PCDH15: variants seen among roughly 807,000 people sequenced by gnomAD.
PCDH15 encodes protocadherin-15.
Under a neutral mutation model 178.5 loss-of-function variants are expected in PCDH15, and 129 were observed. The observed-to-expected ratio is 0.72, with a 90% CI of 0.63 to 0.84. The LOEUF is 0.84. Among genes scored for constraint, PCDH15 ranks in the 40% least tolerant of loss-of-function variants. PCDH15 has a pLI of 0.00. For missense variants in PCDH15, 2,230 were observed against 2,099.9 expected (o/e 1.06, Z -1.21); for synonymous variants, 800 against 732.0 (o/e 1.09, Z -1.50).
intron 2 of PCDH15, among the ~76,000 whole-genome samples, chr10:55,570,552 G>A (rs1283951500): frequency 6.6e-6 from 1 of 151,866 alleles, no homozygotes; most frequent in Non-Finnish European, 1.5e-5. Context: ...TACAGTGTCA[G>A]TCAATGAGAA....
At chr10:55,514,267 T>G (rs1840956109) in intron 2 of PCDH15, among the ~76,000 whole-genome samples, 1 of 152,148 alleles carries the variant, frequency 6.6e-6, no homozygotes, top group Admixed American at 6.6e-5. Flanking sequence ...AGCGTGCATT[T>G]TTGGAAACAA....
intron 13 of PCDH15, among the ~76,000 whole-genome samples, chr10:54,162,805 C>T (rs1272381610): frequency 6.6e-6 from 1 of 152,050 alleles, no homozygotes; most frequent in Non-Finnish European, 1.5e-5. Context: ...GAGTTAAATT[C>T]TAACTTTGAC....
At chr10:55,274,511 C>T (rs1002516454) in intron 1 of PCDH15, among the ~76,000 whole-genome samples, 1 of 152,034 alleles carries the variant, frequency 6.6e-6, no homozygotes. Context: ...TCTGTTATTG[C>T]CTGATGACTC....
At chr10:55,571,189 C>T (rs1346158635) in intron 2 of PCDH15, among the ~76,000 whole-genome samples, 1 of 152,014 alleles carries the variant, frequency 6.6e-6, no homozygotes, top group Non-Finnish European at 1.5e-5. Flanking sequence ...CACTCTCTTG[C>T]TCTCTCTTTT....
intron 3 of PCDH15, among the ~76,000 whole-genome samples, chr10:54,511,701 A>AGTCT (rs1259439599): frequency 1.3e-5 from 2 of 152,178 alleles, no homozygotes; most frequent in African/African-American, 4.8e-5. Flanking sequence ...ACACATATCT[A>AGTCT]GTCTAACTTT....
intron 18 of PCDH15, among the ~76,000 whole-genome samples, chr10:54,035,767 T>G (rs10825200): frequency 0.6 from 91,178 of 151,686 alleles, 29,997 homozygotes; most frequent in Middle Eastern, 0.76. Context: ...TGATTAAGCT[T>G]AGTGAGAAAG....
chr10:54,582,805 C>T (rs1185663157), intron 2 of PCDH15, among the ~76,000 whole-genome samples: 1 of 151,942 alleles, frequency 6.6e-6, no homozygotes, highest in Non-Finnish European at 1.5e-5. Flanking sequence ...GCAGGAGGAT[C>T]ACATGAGCCC....
At chr10:53,826,242 T>C (rs1352398384) in intron 32 of PCDH15, among the ~76,000 whole-genome samples, 4 of 151,970 alleles carry the variant, frequency 2.6e-5, no homozygotes, top group Admixed American at 2.0e-4. Context: ...AAATAGAATG[T>C]CATGCTTTAA....
At chr10:54,957,085 A>G (rs1838509567) in intron 2 of PCDH15, among the ~76,000 whole-genome samples, 1 of 151,718 alleles carries the variant, frequency 6.6e-6, no homozygotes, top group African/African-American at 2.4e-5. Flanking sequence ...CCCAGTGATC[A>G]TTAACAAATC....
rs763255912 is a variant in PCDH15, at chr10:54,050,616, TTTG to T, written c.2220+16138_2220+16140del. On this transcript the variant is annotated intron_variant, in intron 18 of 37. Coordinates refer to ENST00000644397, the MANE Select transcript of PCDH15 (RefSeq NM_001384140.1). Reference sequence around the variant, plus strand: ...CTTTTGCTAGACATAAGGGGTTTTGTTTGTTTGTTTGTTTGTTTTTCCCTAGAT... The same window carrying T: ...CTTTTGCTAGACATAAGGGGTTTTGTTTTGTTTGTTTGTTTTTCCCTAGAT... Among the ~76,000 whole-genome samples the T allele has an allele frequency of 4.3e-3, 650 of 151,470 alleles. 4 individuals are homozygous for T. The highest frequency in any genetic ancestry group is 5.8e-3 in the African/African-American group (241 of 41,206).
chr10:55,494,080 T>C (rs1026344072), intron 2 of PCDH15, among the ~76,000 whole-genome samples: 5 of 151,762 alleles, frequency 3.3e-5, no homozygotes, highest in African/African-American at 1.2e-4. Flanking sequence ...CATGTTGAGA[T>C]GAAAGTATAA....
At chr10:53,898,428 C>T (rs937798293) in intron 26 of PCDH15, among the ~76,000 whole-genome samples, 1 of 152,020 alleles carries the variant, frequency 6.6e-6, no homozygotes, top group Non-Finnish European at 1.5e-5. Context: ...TAAAGAAAAA[C>T]GAATTACCAT....
chr10:55,173,341 G>GTGTA (rs1554837628), intron 1 of PCDH15, among the ~76,000 whole-genome samples: 2 of 145,924 alleles, frequency 1.4e-5, no homozygotes, highest in Non-Finnish European at 3.0e-5. Context: ...GTGTGTGTGT[G>GTGTA]TGTGTATGTG....
At chr10:53,892,052 A>G (rs2081603445) in intron 26 of PCDH15, among the ~76,000 whole-genome samples, 1 of 135,270 alleles carries the variant, frequency 7.4e-6, no homozygotes, top group Non-Finnish European at 1.5e-5. Flanking sequence ...TTTCCAAGAC[A>G]GAGTCTCTGT....
chr10:54,162,513 G>C (rs531141683), intron 13 of PCDH15, among the ~76,000 whole-genome samples: 1 of 152,184 alleles, frequency 6.6e-6, no homozygotes, highest in East Asian at 1.9e-4. Context: ...CACAAACAAA[G>C]ATTTCAAGAT....
At chr10:55,175,117 A>T (rs1564863018) in intron 1 of PCDH15, among the ~76,000 whole-genome samples, 2 of 152,124 alleles carry the variant, frequency 1.3e-5, no homozygotes, top group Non-Finnish European at 2.9e-5. Flanking sequence ...CCATTGGAGG[A>T]CCCTAAATGG....
intron 2 of PCDH15, among the ~76,000 whole-genome samples, chr10:55,457,921 A>G (rs948058143): frequency 6.6e-6 from 1 of 152,112 alleles, no homozygotes; most frequent in Admixed American, 6.6e-5. Flanking sequence ...TAAAGTAGCA[A>G]TATGTCTTTT....
rs577353388 is a variant in PCDH15 at position 55,300,562 on chromosome 10, G to A, written c.-156+19037C>T. 2.6e-5 allele frequency among the ~76,000 whole-genome samples: 4 copies of A among 152,122 alleles called. No individual in the cohort carries two copies. In the East Asian group the frequency reaches 7.7e-4, roughly 29 times the overall value. On this transcript the variant is annotated intron_variant, in intron 1 of 5. Transcript: ENST00000458638. ...ACAAAAAATCAGCACATTAAAAATTGGAAATTCACCCAATATTTACATCAA... is the reference window on the plus strand; with the variant it reads ...ACAAAAAATCAGCACATTAAAAATTAGAAATTCACCCAATATTTACATCAA...
At chr10:54,744,545 A>G (rs1945220322) in intron 1 of PCDH15, among the ~76,000 whole-genome samples, 2 of 152,148 alleles carry the variant, frequency 1.3e-5, no homozygotes. Context: ...GGAAATTGTG[A>G]AGTATCTTTT....
Sources: gnomAD v4.1 joint callset for allele counts (sites outside exome capture counted in the v4.1 genomes callset) on GRCh38, gnomAD v4.1.1 for gene constraint, MANE v1.5 for transcripts, NCBI Gene and HGNC (gene_info 2026-07-23, HGNC 2026-07-21) for gene names.